Variants in MAP2K6 observed in about 807,000 individuals in gnomAD.
MAP2K6 encodes the protein dual specificity mitogen-activated protein kinase kinase 6.
Under a neutral mutation model 53.7 loss-of-function variants are expected in MAP2K6, and 16 were observed. The observed-to-expected ratio is 0.30, with a 90% confidence interval of 0.20 to 0.45. The LOEUF is 0.45. Among genes scored for constraint, MAP2K6 ranks in the 20% least tolerant of loss-of-function variants. The pLI, the probability that MAP2K6 is intolerant of heterozygous loss-of-function variation, is 1.00. For missense variants in MAP2K6, 204 were observed against 411.9 expected, an observed-to-expected ratio of 0.50 and a Z score of 4.37; for synonymous variants, 132 against 143.1, an observed-to-expected ratio of 0.92 and a Z score of 0.55.
chr17:69,537,839 T>G (rs1298579709), intron 11 of MAP2K6, among the ~76,000 whole-genome samples: 1 of 152,218 alleles, frequency 6.6e-6, no homozygotes, highest in Non-Finnish European at 1.5e-5. Flanking sequence ...AGTACATGTT[T>G]AAGTTGAATA....
chr17:69,534,928 G>A (rs1167161907), intron 10 of MAP2K6, among the ~76,000 whole-genome samples: 2 of 150,466 alleles, frequency 1.3e-5, no homozygotes, highest in Non-Finnish European at 3.0e-5. Context: ...CTGTAACCTG[G>A]GATTCCAACT....
intron 1 of MAP2K6, among the ~76,000 whole-genome samples, chr17:69,473,050 G>T (rs549082679): frequency 1.3e-5 from 2 of 152,174 alleles, no homozygotes; most frequent in Non-Finnish European, 2.9e-5. Context: ...TTTCACTTCA[G>T]TGTTAATATT....
At chr17:69,506,953 C>CT (rs34836540) in intron 2 of MAP2K6, among the ~76,000 whole-genome samples, 51 of 148,826 alleles carry the variant, frequency 3.4e-4, no homozygotes, top group African/African-American at 9.1e-4. Context: ...TTCTTTTTCT[C>CT]TTTTTTTTTT....
intron 1 of MAP2K6, among the ~76,000 whole-genome samples, chr17:69,425,729 G>A (rs935940089): frequency 3.9e-5 from 6 of 152,206 alleles, no homozygotes; most frequent in Admixed American, 2.6e-4. Flanking sequence ...TCTGGTTGTT[G>A]AGTGACAAGT....
chr17:69,492,004 T>C (rs987300627), intron 1 of MAP2K6, among the ~76,000 whole-genome samples: 9 of 152,158 alleles, frequency 5.9e-5, no homozygotes, highest in Non-Finnish European at 1.0e-4. Context: ...AATGGGGCTG[T>C]TTGCTTTTTT....
Position 69,544,583 on chromosome 17 carries a change from T to A in MAP2K6, c.*2830T>A, listed in dbSNP as rs1911804757. On this transcript the variant is annotated 3_prime_UTR_variant, in exon 12 of 12. Coordinates refer to ENST00000590474, the MANE Select transcript of MAP2K6 (RefSeq NM_002758.4). The stretch of plus-strand genomic sequence containing the variant: ...CTACACCTATCAATGTATTACAAAA[T>A]CAGTATAGCTCTACAAAAGAGATCA... 2 of 152,202 alleles carry A rather than the reference T, an allele frequency of 1.3e-5. No homozygotes were observed. Among genetic ancestry groups the A allele is most frequent in the African/African-American group, 4.8e-5 (2 of 41,436 alleles). The allele number at this position is 152,202 out of a possible 1,614,324, so 9.4% of individuals were successfully genotyped here.
At chr17:69,450,279 C>T (rs1246530423) in intron 1 of MAP2K6, among the ~76,000 whole-genome samples, 1 of 152,062 alleles carries the variant, frequency 6.6e-6, no homozygotes, top group East Asian at 1.9e-4. Flanking sequence ...AAAGATACAG[C>T]ATTTTACAAG....
rs145161491 is a variant in MAP2K6 at position 69,512,252 on chromosome 17, T to C, written c.84-4603T>C. Among the ~76,000 whole-genome samples the C allele has an allele frequency of 1.8e-4, 27 of 151,562 alleles. No homozygotes were observed. The East Asian group carries it at 5.2e-3, about 29-fold the overall frequency. On this transcript the variant is annotated intron_variant, in intron 2 of 11. Coordinates refer to ENST00000590474, the MANE Select transcript of MAP2K6 (RefSeq NM_002758.4). The stretch of plus-strand genomic sequence containing the variant: ...TTATGGCTAGTGAAATGAGAGGTAG[T>C]ATCCTTTACAGCATACTGTGCATGA...
At position 69,530,204 on chromosome 17, in the gene MAP2K6, A is replaced by G. The variant is rs370792740; in HGVS notation, c.881+3495A>G. Among the ~76,000 whole-genome samples the G allele has an allele frequency of 3.9e-5, 6 of 152,262 alleles. No homozygotes were observed. In the East Asian group the frequency reaches 1.2e-3, roughly 29 times the overall value. On this transcript the variant is annotated intron_variant, in intron 10 of 11. Coordinates refer to ENST00000590474, the MANE Select transcript of MAP2K6 (RefSeq NM_002758.4). ...GTGGTGTGCACCTGGGGACCCAGCT[A>G]CTTGGAAGGCCAAGGTGGGAGGATC...
intron 1 of MAP2K6, chr17:69,485,214 A>G (rs1324019930): frequency 6.6e-6 from 1 of 152,202 alleles, no homozygotes; most frequent in Non-Finnish European, 1.5e-5. Context: ...TAAAATCTCT[A>G]GAAAAGTATC....
intron 1 of MAP2K6, among the ~76,000 whole-genome samples, chr17:69,457,141 C>G (rs1907440367): frequency 6.6e-6 from 1 of 152,204 alleles, no homozygotes; most frequent in Admixed American, 6.5e-5. Context: ...GAGACTTCAG[C>G]ATCTCTCTAC....
intron 1 of MAP2K6, among the ~76,000 whole-genome samples, chr17:69,470,540 G>GC (rs2145180566): frequency 6.6e-6 from 1 of 152,304 alleles, no homozygotes; most frequent in South Asian, 2.1e-4. Flanking sequence ...GGAGGGACAT[G>GC]CCCCCTTGTG....
intron 1 of MAP2K6, among the ~76,000 whole-genome samples, chr17:69,474,119 T>C (rs1373841240): frequency 6.6e-6 from 1 of 152,268 alleles, no homozygotes; most frequent in Non-Finnish European, 1.5e-5. Context: ...TGTGAAGAGC[T>C]GGCTCCGTAT....
At chr17:69,540,270 CAGAG>C in intron 11 of MAP2K6, among the ~76,000 whole-genome samples, 1 of 152,290 alleles carries the variant, frequency 6.6e-6, no homozygotes, top group Admixed American at 6.5e-5. Flanking sequence ...TCAGGGGAAA[CAGAG>C]TGAGTCACTT....
intron 1 of MAP2K6, chr17:69,502,034 T>G (rs1458565244): frequency 2.3e-6 from 1 of 428,924 alleles, no homozygotes; most frequent in Non-Finnish European, 3.1e-6. Flanking sequence ...CATATTGTTT[T>G]TCTTTCTTTT....
chr17:69,529,176 C>T (rs907910216), intron 10 of MAP2K6, among the ~76,000 whole-genome samples: 1 of 152,144 alleles, frequency 6.6e-6, no homozygotes, highest in African/African-American at 2.4e-5. Flanking sequence ...ATCACTGCCC[C>T]CTAGGCCTCA....
At chr17:69,491,067 CT>C (rs1908726279) in intron 1 of MAP2K6, among the ~76,000 whole-genome samples, 1 of 151,956 alleles carries the variant, frequency 6.6e-6, no homozygotes. Context: ...TTTTTTATGG[CT>C]GCATAGTACT....
intron 9 of MAP2K6, among the ~76,000 whole-genome samples, chr17:69,526,040 A>G (rs1016462278): frequency 3.3e-5 from 5 of 152,202 alleles, no homozygotes; most frequent in Admixed American, 6.5e-5. Flanking sequence ...AATAAATCCC[A>G]TGAGTTATTT....
Position 69,551,266 on chromosome 17 carries a change from A to G in MAP2K6, c.*9513A>G, listed in dbSNP as rs1912088492. On this transcript the variant is annotated 3_prime_UTR_variant, in exon 12 of 12. Coordinates refer to ENST00000590474, the MANE Select transcript of MAP2K6 (RefSeq NM_002758.4). ...GACACAGACAGGGGTACGGTCTGAG[A>G]CTCAAGCTAACAGAGCTACCCCTTG... 2 of 152,166 alleles carry G rather than the reference A, an allele frequency of 1.3e-5. No homozygotes were observed. The highest frequency in any genetic ancestry group is 1.3e-4 in the Admixed American group (2 of 15,276). The allele number at this position is 152,166 out of a possible 1,614,324, so 9.4% of individuals were successfully genotyped here.
Sources: gnomAD v4.1 joint callset for allele counts (sites outside exome capture counted in the v4.1 genomes callset) on GRCh38, gnomAD v4.1.1 for gene constraint, MANE v1.5 for transcripts, NCBI Gene and HGNC (gene_info 2026-07-23, HGNC 2026-07-21) for gene names.